MIPEP: variants seen among roughly 807,000 people sequenced by gnomAD.
MIPEP encodes the protein mitochondrial intermediate peptidase.
MIPEP carries 79 observed loss-of-function variants against 90.3 expected under a neutral mutation model. The ratio of observed to expected loss-of-function variants is 0.87; its 90% CI spans 0.73 to 1.05. The LOEUF (loss-of-function observed/expected upper bound fraction) is 1.05. MIPEP is among the 50% of genes least tolerant of loss of function. The probability of loss-of-function intolerance (pLI) is 0.00; values close to 1 mark genes in which losing one functional copy is unlikely to be tolerated. For synonymous variants in MIPEP, 334 were observed against 315.8 expected (o/e 1.06, Z -0.61); for missense variants, 940 against 905.6 (o/e 1.04, Z -0.49).
Position 23,754,790 on chromosome 13 carries a change from G to C in MIPEP, c.2044+1755C>G, listed in dbSNP as rs566410961. Among the ~76,000 whole-genome samples, 4 of 152,238 alleles carry C rather than the reference G, an allele frequency of 2.6e-5. No homozygotes were observed. The East Asian group carries it at 7.7e-4, about 29-fold the overall frequency. ...GCTTATTTCCGCCTTAGCTCGGGGT[G>C]GGCTGGCGCTACCAACCACCAGCCA... On this transcript the variant is annotated intron_variant, in intron 18 of 18. Transcript: ENST00000382172.
intron 18 of MIPEP, among the ~76,000 whole-genome samples, chr13:23,732,024 C>G (rs1157501120): frequency 1.4e-5 from 2 of 138,230 alleles, no homozygotes; most frequent in Admixed American, 7.8e-5. Flanking sequence ...GTTGTCCAGG[C>G]CTGGACAACA....
intron 18 of MIPEP, among the ~76,000 whole-genome samples, chr13:23,751,871 T>G (rs9510843): frequency 0.18 from 26,864 of 151,334 alleles, 2,817 homozygotes; most frequent in Non-Finnish European, 0.23. Context: ...TGTTGATCAG[T>G]GGATGTCAGG....
chr13:23,837,942 A>G (rs1012386318), intron 12 of MIPEP, among the ~76,000 whole-genome samples, 186 bp from the exon 13 acceptor site: 6 of 152,130 alleles, frequency 3.9e-5, no homozygotes, highest in Admixed American at 6.5e-5. Flanking sequence ...CTAAAATTTT[A>G]ATTTTTTAAA....
At chr13:23,816,913 C>A (rs566890138) in intron 14 of MIPEP, among the ~76,000 whole-genome samples, 1 of 152,176 alleles carries the variant, frequency 6.6e-6, no homozygotes, top group African/African-American at 2.4e-5. Context: ...TCTAACAATT[C>A]GCTAAAGTGT....
chr13:23,849,714 T>G (rs1434329108), intron 10 of MIPEP, among the ~76,000 whole-genome samples: 1 of 152,204 alleles, frequency 6.6e-6, no homozygotes, highest in Non-Finnish European at 1.5e-5. Context: ...CAACACTAAT[T>G]ATGATTGAAA....
At chr13:23,783,556 C>T (rs1213234714) in intron 16 of MIPEP, among the ~76,000 whole-genome samples, 2 of 152,088 alleles carry the variant, frequency 1.3e-5, no homozygotes, top group Non-Finnish European at 2.9e-5. Context: ...AGGGATGCCC[C>T]CTCTCACCAC....
intron 16 of MIPEP, among the ~76,000 whole-genome samples, chr13:23,799,894 T>C (rs1319933043): frequency 1.3e-5 from 2 of 152,190 alleles, no homozygotes; most frequent in Non-Finnish European, 2.9e-5. Flanking sequence ...AAATTGTGAG[T>C]TGTGAAGAAA....
At chr13:23,840,492 T>C (rs1869246645) in intron 11 of MIPEP, among the ~76,000 whole-genome samples, 4 of 152,198 alleles carry the variant, frequency 2.6e-5, no homozygotes, top group Admixed American at 1.3e-4. Context: ...CAGTCTCCTC[T>C]TATAAATTTT....
chr13:23,769,784 G>A (rs9578639), intron 16 of MIPEP, among the ~76,000 whole-genome samples: 11,870 of 152,180 alleles, frequency 0.078, 1,546 homozygotes, highest in African/African-American at 0.27. Context: ...AACTCATGTT[G>A]AAACTTAATC....
intron 14 of MIPEP, among the ~76,000 whole-genome samples, chr13:23,810,254 G>T (rs1298167357): frequency 2.6e-5 from 4 of 152,152 alleles, no homozygotes; most frequent in Non-Finnish European, 5.9e-5. Flanking sequence ...ATTAGTGAGT[G>T]CCTGTTCAAA....
chr13:23,828,286 C>T (rs868857179), intron 14 of MIPEP, among the ~76,000 whole-genome samples: 1 of 152,314 alleles, frequency 6.6e-6, no homozygotes, highest in Non-Finnish European at 1.5e-5. Flanking sequence ...GGCAGGAATG[C>T]CCATACCACG....
intron 4 of MIPEP, among the ~76,000 whole-genome samples, chr13:23,876,557 C>T (rs933278951): frequency 2.0e-5 from 3 of 151,908 alleles, no homozygotes; most frequent in African/African-American, 4.8e-5. Context: ...GAGAGTTTCA[C>T]AAACAGAATC....
chr13:23,741,543 A>C (rs1239390387), intron 18 of MIPEP, among the ~76,000 whole-genome samples: 2 of 152,200 alleles, frequency 1.3e-5, no homozygotes, highest in Admixed American at 6.5e-5. Flanking sequence ...GTTGGAGGCC[A>C]TTATCCTTAG....
chr13:23,799,000 GTTTTTT>G (rs765292524), intron 16 of MIPEP, among the ~76,000 whole-genome samples: 1 of 88,904 alleles, frequency 1.1e-5, no homozygotes, highest in Non-Finnish European at 2.0e-5. Context: ...AATTTTTTTG[GTTTTTT>G]TTTTTTTTTT....
intron 16 of MIPEP, among the ~76,000 whole-genome samples, chr13:23,776,531 ACT>A (rs757266487): frequency 2.6e-5 from 4 of 152,288 alleles, no homozygotes; most frequent in Admixed American, 6.5e-5. Flanking sequence ...CATTTTTCAC[ACT>A]GTCTTGTACA....
At chr13:23,850,416 T>C (rs750046456) in intron 10 of MIPEP, among the ~76,000 whole-genome samples, 21 of 152,198 alleles carry the variant, frequency 1.4e-4, no homozygotes, top group Non-Finnish European at 2.5e-4. Context: ...CCCCCTGTTC[T>C]ATAAAGAATC....
At chr13:23,799,115 T>G (rs1001283862) in intron 16 of MIPEP, among the ~76,000 whole-genome samples, 1 of 144,914 alleles carries the variant, frequency 6.9e-6, no homozygotes, top group African/African-American at 2.5e-5. Flanking sequence ...ACGATTCTCC[T>G]GCCTCAGCCT....
intron 16 of MIPEP, among the ~76,000 whole-genome samples, chr13:23,795,345 C>A (rs1952946407): frequency 6.6e-6 from 1 of 152,196 alleles, no homozygotes; most frequent in South Asian, 2.1e-4. Flanking sequence ...TTTGTTTATA[C>A]ATTTAAAAAC....
chr13:23,804,450 G>A (rs1953082754), intron 16 of MIPEP, among the ~76,000 whole-genome samples: 1 of 152,070 alleles, frequency 6.6e-6, no homozygotes, highest in Non-Finnish European at 1.5e-5. Flanking sequence ...GTAAAATCTA[G>A]GCAATTGTTA....
Sources: gnomAD v4.1 joint callset for allele counts (sites outside exome capture counted in the v4.1 genomes callset) on GRCh38, gnomAD v4.1.1 for gene constraint, MANE v1.5 for transcripts, NCBI Gene and HGNC (gene_info 2026-07-23, HGNC 2026-07-21) for gene names.